PLCH2: variants seen among roughly 807,000 people sequenced by gnomAD.
PLCH2 encodes the protein phospholipase C eta 2.
Under a neutral mutation model 134.7 loss-of-function variants are expected in PLCH2, and 98 were observed. The ratio of observed to expected loss-of-function variants is 0.73; its 90% CI spans 0.62 to 0.86. The LOEUF (loss-of-function observed/expected upper bound fraction) is 0.86. Ranked by LOEUF, PLCH2 falls within the 40% of genes least tolerant of loss-of-function variation. The pLI is 0.00. For synonymous variants in PLCH2, 974 were observed against 827.5 expected, an observed-to-expected ratio of 1.18 and a Z score of -3.04; for missense variants, 1,994 against 1,986.6, an observed-to-expected ratio of 1.00 and a Z score of -0.07.
Position 2,504,246 on chromosome 1 carries a change from A to T in PLCH2, c.3284A>T (p.Lys1095Met), listed in dbSNP as rs1466770906. The change falls in exon 22 of 22, where the codon AAG becomes ATG. Residue 1095 changes from lysine (K) to methionine (M), a missense_variant. Coordinates refer to ENST00000378486, the MANE Select transcript of PLCH2 (RefSeq NM_014638.4). ...CACCTGCCCGTGATTAGAAGGGTGA[A>T]GAGTGAGGGGCAGGTGCCCACGGAG... ...LGHLPVIRRV[K>M]SEGQVPTEPL... 1 of 1,586,808 alleles carries T rather than the reference A, an allele frequency of 6.3e-7. No individual in the cohort carries two copies. The highest frequency in any genetic ancestry group is 2.3e-5 in the East Asian group (1 of 43,390).
chr1:2,424,903 G>A (rs989537494), upstream of PLCH2, among the ~76,000 whole-genome samples: 1 of 152,132 alleles, frequency 6.6e-6, no homozygotes, highest in African/African-American at 2.4e-5. Flanking sequence ...GGAGAATGGT[G>A]TGGACCCGGG....
chr1:2,476,476 G>C lies in PLCH2; in HGVS notation c.-113G>C, dbSNP rs1641624906. On this transcript the variant is annotated 5_prime_UTR_variant, in exon 1 of 22. Transcript: ENST00000378486. ...AGGAGGAGGAGGAAGAGGCAGAGGA[G>C]AGAAGGCCCCACGGAGGTCCTGTCG... is the stretch of plus-strand genomic sequence containing the variant. 2.4e-5 allele frequency: 25 copies of C among 1,028,886 alleles called. No individual in the cohort carries two copies. The South Asian group carries it at 4.4e-4, about 18-fold the overall frequency. 63.7% of individuals were successfully genotyped at this position (1,028,886 alleles called of 1,614,324 possible).
At chr1:2,500,432 C>G (rs1643154379) in intron 20 of PLCH2, 1 of 152,836 alleles carries the variant, frequency 6.5e-6, no homozygotes, top group African/African-American at 2.4e-5. Flanking sequence ...TCCTCGTCCC[C>G]CAGGCTGCAG....
chr1:2,472,245 A>T (rs1287470017), upstream of PLCH2, among the ~76,000 whole-genome samples: 1 of 152,164 alleles, frequency 6.6e-6, no homozygotes, highest in Admixed American at 6.5e-5. Flanking sequence ...AATCTCCGCC[A>T]TATGTGTGTG....
chr1:2,479,025 G>A (rs1050764824), intron 2 of PLCH2: 3 of 214,082 alleles, frequency 1.4e-5, no homozygotes, highest in Non-Finnish European at 2.8e-5. Context: ...CATGGCTGCT[G>A]GAGGGAGCAG....
upstream of PLCH2, among the ~76,000 whole-genome samples, chr1:2,462,832 C>T (rs1640887080): frequency 6.6e-6 from 1 of 152,160 alleles, no homozygotes; most frequent in Non-Finnish European, 1.5e-5. Context: ...GGAGGTCGCT[C>T]AGCCCATCCT....
In PLCH2 at chr1:2,498,208, A is replaced by C; in HGVS notation, c.2225-315A>C. ...TTCTCAGCCTGAGTGGGCCCTGGGGACACTGTCACCAGAGACCCCACCCCT... is the reference window on the plus strand; with the variant it reads ...TTCTCAGCCTGAGTGGGCCCTGGGGCCACTGTCACCAGAGACCCCACCCCT... On this transcript the variant is annotated intron_variant, in intron 16 of 21. Coordinates refer to ENST00000378486, the MANE Select transcript of PLCH2 (RefSeq NM_014638.4). The surrounding 1 kb of genome is among the most constrained non-coding windows in gnomAD (Gnocchi z 5.4). 5.3e-6 allele frequency: 2 copies of C among 377,464 alleles called. No individual in the cohort carries two copies. Among genetic ancestry groups the C allele is most frequent in the Non-Finnish European group, 4.8e-6 (1 of 206,190 alleles). The allele number at this position is 377,464 out of a possible 1,614,324, so 23.4% of individuals were successfully genotyped here.
chr1:2,479,688 G>A lies in PLCH2; in HGVS notation c.272-46G>A, dbSNP rs79472989. On this transcript the variant is annotated intron_variant, in intron 2 of 21. Transcript: ENST00000378486. Reference sequence around the variant, plus strand: ...GTGTTGGGGCTGCCAGCAGGGGGACGCTGGGCCCCCGGGGACCTGACCCGT... The same window carrying A: ...GTGTTGGGGCTGCCAGCAGGGGGACACTGGGCCCCCGGGGACCTGACCCGT... 1.9e-3 allele frequency: 2,797 copies of A among 1,504,688 alleles called. 50 individuals are homozygous for A. In the African/African-American group the frequency reaches 0.033, roughly 17 times the overall value. The allele number at this position is 1,504,688 out of a possible 1,614,324, so 93.2% of individuals were successfully genotyped here.
intron 2 of PLCH2, among the ~76,000 whole-genome samples, chr1:2,449,461 C>T (rs1329238361): frequency 6.6e-6 from 1 of 152,174 alleles, no homozygotes; most frequent in Admixed American, 6.5e-5. Flanking sequence ...TGCTACTGCA[C>T]TCCAGCCTGG....
At chr1:2,440,058 G>C (rs1639617319) in intron 2 of PLCH2, among the ~76,000 whole-genome samples, 1 of 152,150 alleles carries the variant, frequency 6.6e-6, no homozygotes, top group South Asian at 2.1e-4. Context: ...GCTTGGTGGA[G>C]TGTCTATGAG....
intron 6 of PLCH2, 76 bp downstream of exon 6, chr1:2,487,076 G>T: frequency 6.6e-7 from 1 of 1,506,342 alleles, no homozygotes; most frequent in African/African-American, 1.4e-5. Context: ...TGTGGGCCGG[G>T]ACAGGTGTTC....
Position 2,489,207 on chromosome 1 carries a change from G to A in PLCH2, c.1236G>A (p.Glu412=). ...TGCTCTTTCTGCCTTGGGGCCACAG[G>A]TACCCAGTGATCCTGTCCATCGAAA... ...TINKYAFIKN[E]YPVILSIENH... is the part of the protein sequence containing the mutation. The change falls in exon 9 of 22, where the codon GAG becomes GAA. Residue 412 remains glutamate, a splice_region_variant and synonymous_variant. Coordinates refer to ENST00000378486, the MANE Select transcript of PLCH2 (RefSeq NM_014638.4). The A allele has an allele frequency of 6.2e-7, 1 of 1,613,422 alleles. No homozygotes were observed. Among genetic ancestry groups the A allele is most frequent in the Non-Finnish European group, 8.5e-7 (1 of 1,179,622 alleles).
At position 2,480,046 on chromosome 1, in the gene PLCH2, G is replaced by A. The variant is rs1270903985; in HGVS notation, c.515+69G>A. ...CCCCTTGGCTGCTCACCCTGGGGGG[G>A]CCTGTCCTTTGCCGGGTCACACACT... On this transcript the variant is annotated intron_variant, in intron 3 of 21. Coordinates refer to ENST00000378486, the MANE Select transcript of PLCH2 (RefSeq NM_014638.4). 3.2e-6 allele frequency: 5 copies of A among 1,582,236 alleles called. No individual in the cohort carries two copies. In the East Asian group the frequency reaches 9.0e-5, roughly 29 times the overall value.
At chr1:2,467,461 C>G in exon 1 of PLCH2, 1 of 379,282 alleles carries the variant, frequency 2.6e-6, no homozygotes, top group Non-Finnish European at 4.7e-6. Context: ...ACCTTCCTCA[C>G]GGGCGGGCGC....
chr1:2,448,638 C>T lies in PLCH2; in HGVS notation c.115+18009C>T, dbSNP rs1640052801. ...CAGCCCCCTACTGTGGCCGTGTGCT[C>T]CACCCCAGCACCCCCGCCCGAGGCA... On this transcript the variant is annotated intron_variant, in intron 2 of 3. Transcript: ENST00000609981. This position sits in a 1 kb window ranked among gnomAD's most constrained non-coding sequence, Gnocchi z 4.0. Among the ~76,000 whole-genome samples, 1 of 152,154 alleles carries T rather than the reference C, an allele frequency of 6.6e-6. No homozygotes were observed. Among genetic ancestry groups the T allele is most frequent in the Admixed American group, 6.5e-5 (1 of 15,280 alleles).
rs1297090600 is a variant in PLCH2, at chr1:2,502,248, C to T, written c.2798C>T (p.Pro933Leu). 4 of 1,541,518 alleles carry T rather than the reference C, an allele frequency of 2.6e-6. No individual in the cohort carries two copies. Among genetic ancestry groups the T allele is most frequent in the Admixed American group, 2.0e-5 (1 of 50,554 alleles). ...QRILRRTASAPTKSQKPGRRG... is the reference protein window; with the variant it reads ...QRILRRTASALTKSQKPGRRG... ...ATCCTGCGGCGCACGGCCAGCGCCCCGACCAAGAGCCAGAAGCCGGGCCGC... is the reference window on the plus strand; with the variant it reads ...ATCCTGCGGCGCACGGCCAGCGCCCTGACCAAGAGCCAGAAGCCGGGCCGC... Residue 933 changes from proline to leucine, a missense_variant, in exon 21 of 22, where the codon CCG becomes CTG. Coordinates refer to ENST00000378486, the MANE Select transcript of PLCH2 (RefSeq NM_014638.4).
upstream of PLCH2, among the ~76,000 whole-genome samples, chr1:2,463,724 T>C (rs1161803317): frequency 6.6e-6 from 1 of 152,134 alleles, no homozygotes; most frequent in Non-Finnish European, 1.5e-5. Context: ...ACTTGGACCT[T>C]TGGTGCAAGA....
intron 2 of PLCH2, among the ~76,000 whole-genome samples, chr1:2,442,681 C>T (rs12563838): frequency 0.25 from 38,416 of 152,212 alleles, 5,910 homozygotes; most frequent in East Asian, 0.47. Flanking sequence ...GTGCACGGGG[C>T]TGCCCTAGGG....
chr1:2,441,992 C>T (rs1639713628), intron 2 of PLCH2, among the ~76,000 whole-genome samples: 1 of 152,236 alleles, frequency 6.6e-6, no homozygotes, highest in South Asian at 2.1e-4. Context: ...ACACACCCGG[C>T]ACAGAGTCTC....
Sources: gnomAD v4.1 joint callset for allele counts (sites outside exome capture counted in the v4.1 genomes callset) on GRCh38, gnomAD v4.1.1 for gene constraint, Gnocchi (gnomAD v3.1) non-coding constraint, MANE v1.5 for transcripts, NCBI Gene and HGNC (gene_info 2026-07-23, HGNC 2026-07-21) for gene names.